Variants in AGBL1 observed in about 807,000 individuals in gnomAD.
AGBL1 encodes the protein cytosolic carboxypeptidase 4.
In AGBL1, 130 loss-of-function variants were observed where a neutral mutation model predicts 118.9. The observed-to-expected ratio is 1.09, with a 90% confidence interval of 0.95 to 1.26. The LOEUF is 1.26. Ranked by LOEUF, AGBL1 falls within the 50% of genes most tolerant of loss-of-function variation. The pLI is 0.00. For synonymous variants in AGBL1, 555 were observed against 478.9 expected, an observed-to-expected ratio of 1.16 and a Z score of -2.08; for missense variants, 1,584 against 1,298.1, an observed-to-expected ratio of 1.22 and a Z score of -3.38.
intron 22 of AGBL1, among the ~76,000 whole-genome samples, chr15:86,712,700 G>C (rs1184996717): frequency 6.6e-6 from 1 of 152,120 alleles, no homozygotes; most frequent in Non-Finnish European, 1.5e-5. Context: ...CCTGGGATAC[G>C]GGCCTTTTGT....
chr15:86,896,273 A>T (rs1476267987), intron 22 of AGBL1, among the ~76,000 whole-genome samples: 2 of 151,852 alleles, frequency 1.3e-5, no homozygotes, highest in East Asian at 1.9e-4. Flanking sequence ...TGCTTTTCGT[A>T]TCTGCTGAGT....
intron 22 of AGBL1, among the ~76,000 whole-genome samples, chr15:86,730,452 A>G (rs1348562175): frequency 6.6e-6 from 1 of 152,216 alleles, no homozygotes; most frequent in Non-Finnish European, 1.5e-5. Context: ...AGGACATGAC[A>G]TATTTACTTT....
At chr15:86,196,870 C>CGCGCGT (rs1555446452) in intron 5 of AGBL1, among the ~76,000 whole-genome samples, 2 of 88,558 alleles carry the variant, frequency 2.3e-5, no homozygotes, top group African/African-American at 1.1e-4. Flanking sequence ...TGCACATGTG[C>CGCGCGT]GCGCGCGCGC....
At chr15:86,205,890 A>G (rs759070158) in intron 5 of AGBL1, among the ~76,000 whole-genome samples, 5 of 152,172 alleles carry the variant, frequency 3.3e-5, no homozygotes, top group Non-Finnish European at 7.3e-5. Context: ...TGGCTTTGTT[A>G]CATTGGTATA....
At chr15:87,011,719 C>T (rs1381998327) in intron 24 of AGBL1, among the ~76,000 whole-genome samples, 1 of 152,148 alleles carries the variant, frequency 6.6e-6, no homozygotes, top group African/African-American at 2.4e-5. Flanking sequence ...TTGTAGTCAA[C>T]AAAGTGCAAG....
chr15:87,009,086 C>G (rs2081532748), intron 24 of AGBL1, among the ~76,000 whole-genome samples: 1 of 152,124 alleles, frequency 6.6e-6, no homozygotes, highest in African/African-American at 2.4e-5. Context: ...TATTAATCAC[C>G]AAGACAATGG....
rs753801921 is a variant in AGBL1 at position 86,723,106 on chromosome 15, A to G, written c.3158+48670A>G. ...TGGAAGTCAGTGTGGCAATTCCTCA[A>G]GGATCTAGAACTAGAAATACCATTT... On this transcript the variant is annotated intron_variant, in intron 22 of 22. Coordinates refer to ENST00000614907, the MANE Select transcript of AGBL1 (RefSeq NM_001386094.1). 9.3e-4 allele frequency among the ~76,000 whole-genome samples: 142 copies of G among 152,342 alleles called. 1 individual carries two copies. Among genetic ancestry groups the G allele is most frequent in the African/African-American group, 3.2e-3 (133 of 41,582 alleles).
At chr15:86,767,673 A>G (rs1337800446) in intron 22 of AGBL1, among the ~76,000 whole-genome samples, 1 of 151,984 alleles carries the variant, frequency 6.6e-6, no homozygotes, top group Non-Finnish European at 1.5e-5. Context: ...ATCTTATAGT[A>G]GAGAAAACTG....
intron 18 of AGBL1, among the ~76,000 whole-genome samples, chr15:86,473,818 G>A (rs1814812340): frequency 1.3e-5 from 2 of 152,032 alleles, no homozygotes; most frequent in Admixed American, 6.5e-5. Flanking sequence ...TATTAACTCG[G>A]TATTAATTCC....
rs139408655 is a variant in AGBL1, at chr15:86,082,605, C to T, written c.51+2582C>T. On this transcript the variant is annotated intron_variant, in intron 1 of 22. Coordinates refer to ENST00000614907, the MANE Select transcript of AGBL1 (RefSeq NM_001386094.1). The stretch of plus-strand genomic sequence containing the variant: ...CTTAAGCATATCACCATTTCTGACT[C>T]TTTAGGGGCATAAAATAAACCGGGC... Among the ~76,000 whole-genome samples, 4 of 152,334 alleles carry T rather than the reference C, an allele frequency of 2.6e-5. No individual in the cohort carries two copies. The East Asian group carries it at 7.7e-4, about 29-fold the overall frequency.
chr15:86,896,320 G>A (rs1184170419), intron 22 of AGBL1, among the ~76,000 whole-genome samples: 1 of 151,744 alleles, frequency 6.6e-6, no homozygotes, highest in Admixed American at 6.6e-5. Flanking sequence ...TTTGACTTAT[G>A]ATTTGTTATT....
intron 24 of AGBL1, among the ~76,000 whole-genome samples, chr15:87,016,455 C>T (rs1432159145): frequency 4.6e-5 from 7 of 152,138 alleles, no homozygotes; most frequent in Admixed American, 3.9e-4. Flanking sequence ...ATGTTCCCAA[C>T]AAAGGAAGTC....
intron 22 of AGBL1, among the ~76,000 whole-genome samples, chr15:86,717,546 A>C (rs1039149003): frequency 1.3e-5 from 2 of 152,078 alleles, no homozygotes; most frequent in African/African-American, 2.4e-5. Flanking sequence ...GAAGTTTTCA[A>C]TGTTTTGCAG....
chr15:86,595,956 GAGTT>G lies in AGBL1; in HGVS notation c.2994+41427_2994+41430del, dbSNP rs987365837. Among the ~76,000 whole-genome samples the G allele has an allele frequency of 2.6e-5, 4 of 151,968 alleles. No individual in the cohort carries two copies. The East Asian group carries it at 7.7e-4, about 29-fold the overall frequency. ...TAGCTATGAATCATGCATCCCTGTG[GAGTT>G]AGTTAGTCCCCAGAAAGCCAAAGTC... is the stretch of plus-strand genomic sequence containing the variant. On this transcript the variant is annotated intron_variant, in intron 21 of 22. Transcript: ENST00000614907.
At position 86,606,148 on chromosome 15, in the gene AGBL1, AAAG is replaced by A. The variant is rs1251744077; in HGVS notation, c.2994+51617_2994+51619del. Among the ~76,000 whole-genome samples, 8 of 144,626 alleles carry A rather than the reference AAAG, an allele frequency of 5.5e-5. No homozygotes were observed. In the South Asian group the frequency reaches 1.8e-3, roughly 32 times the overall value. The allele number at this position is 144,626 out of a possible 152,430, so 94.9% of individuals were successfully genotyped here. ...TCTCAAAAAAAAAAAAAAAAAGAGT[AAAG>A]AAGAAAGGAGTCTGAGTGACAAAGT... On this transcript the variant is annotated intron_variant, in intron 21 of 22. Coordinates refer to ENST00000614907, the MANE Select transcript of AGBL1 (RefSeq NM_001386094.1).
At chr15:86,617,760 G>GCGCGCACACACA (rs1190179367) in intron 21 of AGBL1, among the ~76,000 whole-genome samples, 1 of 146,832 alleles carries the variant, frequency 6.8e-6, no homozygotes, top group African/African-American at 2.5e-5. Flanking sequence ...AACTTTATGC[G>GCGCGCACACACA]CACACACACA....
At chr15:86,940,154 C>A (rs930277991) in intron 23 of AGBL1, among the ~76,000 whole-genome samples, 1 of 145,094 alleles carries the variant, frequency 6.9e-6, no homozygotes, top group Non-Finnish European at 1.5e-5. Context: ...AGAGCTCCAC[C>A]TGCCTTGGCC....
At chr15:86,483,604 G>C (rs1049847818) in intron 18 of AGBL1, among the ~76,000 whole-genome samples, 3 of 152,120 alleles carry the variant, frequency 2.0e-5, no homozygotes, top group East Asian at 1.9e-4. Flanking sequence ...TTTTCATTCA[G>C]TTTCAGGCTT....
rs1273706949 is a variant in AGBL1 at position 86,760,922 on chromosome 15, G to A, written c.3158+86486G>A. 2.6e-5 allele frequency among the ~76,000 whole-genome samples: 4 copies of A among 152,026 alleles called. No individual in the cohort carries two copies. The East Asian group carries it at 7.7e-4, about 29-fold the overall frequency. ...TGGACAGTTCAGTAAAACTGAACTG[G>A]TTCATGGTCTAAATGCATTGGTAAG... is the stretch of plus-strand genomic sequence containing the variant. On this transcript the variant is annotated intron_variant, in intron 22 of 22. Coordinates refer to ENST00000614907, the MANE Select transcript of AGBL1 (RefSeq NM_001386094.1).
Sources: gnomAD v4.1 joint callset for allele counts (sites outside exome capture counted in the v4.1 genomes callset) on GRCh38, gnomAD v4.1.1 for gene constraint, MANE v1.5 for transcripts, NCBI Gene and HGNC (gene_info 2026-07-23, HGNC 2026-07-21) for gene names.